LRRC1: variants seen among roughly 807,000 people sequenced by gnomAD.
LRRC1 encodes leucine rich repeat containing 1.
LRRC1 carries 28 observed loss-of-function variants against 69.9 expected under a neutral mutation model. The observed-to-expected ratio is 0.40, with a 90% confidence interval of 0.30 to 0.55. The LOEUF (loss-of-function observed/expected upper bound fraction) is 0.55, where lower values mean the gene tolerates loss of function less well. LRRC1 is among the 20% of genes least tolerant of loss of function. The probability of loss-of-function intolerance (pLI) is 0.47; values close to 1 mark genes in which losing one functional copy is unlikely to be tolerated. For missense variants in LRRC1, 498 were observed against 609.0 expected (o/e 0.82, Z 1.92); for synonymous variants, 236 against 240.2 (o/e 0.98, Z 0.16).
chr6:53,874,906 T>C (rs1012485581), intron 2 of LRRC1, among the ~76,000 whole-genome samples: 2 of 152,162 alleles, frequency 1.3e-5, no homozygotes, highest in Admixed American at 1.3e-4. Flanking sequence ...CTTTTAAAAA[T>C]CACAGTATTT....
chr6:53,887,339 T>C (rs1039220814), intron 4 of LRRC1, among the ~76,000 whole-genome samples: 1 of 152,228 alleles, frequency 6.6e-6, no homozygotes, highest in Non-Finnish European at 1.5e-5. Context: ...CTGGTAAGCT[T>C]CTTCCTTTTT....
chr6:53,879,638 CAAAA>C (rs1767205706), intron 3 of LRRC1, among the ~76,000 whole-genome samples: 1 of 151,668 alleles, frequency 6.6e-6, no homozygotes, highest in Admixed American at 6.6e-5. Context: ...AACAAACAAA[CAAAA>C]AAACCCAAAA....
chr6:53,900,273 G>A lies in LRRC1; in HGVS notation c.787+382G>A, dbSNP rs928294155. Among the ~76,000 whole-genome samples, 12 of 152,072 alleles carry A rather than the reference G, an allele frequency of 7.9e-5. No homozygotes were observed. The East Asian group carries it at 1.9e-3, about 25-fold the overall frequency. On this transcript the variant is annotated intron_variant, in intron 8 of 13. Transcript: ENST00000370888. ...AGGATGGTCTCGTTCTCCTGACCTC[G>A]TGATCCGCCCGCCTCCGCCTCCCAA...
At chr6:53,817,601 C>A (rs1030968670) in intron 1 of LRRC1, among the ~76,000 whole-genome samples, 1 of 152,104 alleles carries the variant, frequency 6.6e-6, no homozygotes, top group African/African-American at 2.4e-5. Flanking sequence ...CTTTGTACCC[C>A]CTTAAGAATG....
intron 1 of LRRC1, among the ~76,000 whole-genome samples, chr6:53,828,644 C>A (rs1358311817): frequency 1.3e-5 from 2 of 152,194 alleles, no homozygotes; most frequent in African/African-American, 4.8e-5. Flanking sequence ...AAAAACATTT[C>A]TTTAAATTTA....
At chr6:53,899,179 C>G (rs1767966416) in intron 7 of LRRC1, among the ~76,000 whole-genome samples, 1 of 152,160 alleles carries the variant, frequency 6.6e-6, no homozygotes, top group Non-Finnish European at 1.5e-5. Flanking sequence ...GGTACTTTAC[C>G]TTATCCTGGT....
chr6:53,921,629 G>C (rs1015306751), intron 13 of LRRC1, among the ~76,000 whole-genome samples: 4 of 152,130 alleles, frequency 2.6e-5, no homozygotes, highest in Admixed American at 2.6e-4. Context: ...TGGTGACAAG[G>C]CTTGACATCT....
At chr6:53,876,563 C>G (rs1767076268) in intron 2 of LRRC1, among the ~76,000 whole-genome samples, 1 of 152,176 alleles carries the variant, frequency 6.6e-6, no homozygotes, top group African/African-American at 2.4e-5. Flanking sequence ...TTAGTTACTT[C>G]CTAGATACAA....
At chr6:53,815,648 G>A (rs1282183299) in intron 1 of LRRC1, among the ~76,000 whole-genome samples, 2 of 152,100 alleles carry the variant, frequency 1.3e-5, no homozygotes, top group Non-Finnish European at 2.9e-5. Flanking sequence ...TGTAAGATTT[G>A]GTCTGTTCAT....
chr6:53,857,181 C>T (rs1581878258), intron 2 of LRRC1, among the ~76,000 whole-genome samples: 1 of 152,076 alleles, frequency 6.6e-6, no homozygotes, highest in South Asian at 2.1e-4. Flanking sequence ...GGTGATGGTT[C>T]AAGCCACAGG....
intron 1 of LRRC1, among the ~76,000 whole-genome samples, chr6:53,823,070 C>T (rs997545670): frequency 2.6e-5 from 4 of 152,146 alleles, no homozygotes; most frequent in African/African-American, 9.7e-5. Flanking sequence ...TCTCCAGGTC[C>T]CTTGATCCTC....
chr6:53,902,836 T>G lies in LRRC1; in HGVS notation c.906+89T>G, dbSNP rs576516514. The G allele has an allele frequency of 8.8e-6, 7 of 793,168 alleles. No individual in the cohort carries two copies. In the Admixed American group the frequency reaches 9.6e-5, roughly 11 times the overall value. The allele number at this position is 793,168 out of a possible 1,614,324, so 49.1% of individuals were successfully genotyped here. A position where few individuals can be genotyped will look rare whatever the true frequency, so the allele number is the denominator to read the frequency against. On this transcript the variant is annotated intron_variant, in intron 9 of 13. Coordinates refer to ENST00000370888, the MANE Select transcript of LRRC1 (RefSeq NM_018214.5). ...TTGAGTGGACTAAATGGAAATTTCT[T>G]CATATTACATCCCAAAACGGTCTTA... is the stretch of plus-strand genomic sequence containing the variant.
chr6:53,831,822 T>G (rs963232285), intron 1 of LRRC1, among the ~76,000 whole-genome samples: 9 of 152,148 alleles, frequency 5.9e-5, no homozygotes, highest in Admixed American at 2.6e-4. Context: ...TCCAGAAACA[T>G]CAAACCTTGG....
At chr6:53,920,990 C>T (rs1439478365) in intron 13 of LRRC1, among the ~76,000 whole-genome samples, 1 of 151,100 alleles carries the variant, frequency 6.6e-6, no homozygotes, top group Non-Finnish European at 1.5e-5. Context: ...TTTTTTGAGA[C>T]AGAGTCTCCC....
At chr6:53,861,039 G>T (rs1344934896) in intron 2 of LRRC1, among the ~76,000 whole-genome samples, 2 of 152,070 alleles carry the variant, frequency 1.3e-5, no homozygotes, top group Non-Finnish European at 2.9e-5. Context: ...TAGGGTGACG[G>T]GTGAGAGAAG....
intron 4 of LRRC1, among the ~76,000 whole-genome samples, chr6:53,883,453 T>C (rs981274273): frequency 1.3e-5 from 2 of 152,120 alleles, no homozygotes; most frequent in Non-Finnish European, 2.9e-5. Flanking sequence ...ATGGTGTATT[T>C]GGAGAGTGGG....
chr6:53,840,893 T>C (rs1765762407), intron 1 of LRRC1, among the ~76,000 whole-genome samples: 2 of 119,826 alleles, frequency 1.7e-5, no homozygotes, highest in African/African-American at 2.9e-5. Flanking sequence ...TTTGTGTGTG[T>C]GTGTGTGTGT....
chr6:53,900,289 C>T lies in LRRC1; in HGVS notation c.787+398C>T, dbSNP rs376940378. On this transcript the variant is annotated intron_variant, in intron 8 of 13. Coordinates refer to ENST00000370888, the MANE Select transcript of LRRC1 (RefSeq NM_018214.5). ...CCTGACCTCGTGATCCGCCCGCCTCCGCCTCCCAAAGTGCTGGGATTACAG... is the reference window on the plus strand; with the variant it reads ...CCTGACCTCGTGATCCGCCCGCCTCTGCCTCCCAAAGTGCTGGGATTACAG... Among the ~76,000 whole-genome samples the T allele has an allele frequency of 3.3e-5, 5 of 152,130 alleles. No individual in the cohort carries two copies. In the East Asian group the frequency reaches 5.8e-4, roughly 18 times the overall value.
Position 53,840,923 on chromosome 6 carries a change from TGTGTGC to T in LRRC1, c.160-1183_160-1178del, listed in dbSNP as rs1292931084. 7.3e-3 allele frequency among the ~76,000 whole-genome samples: 1,022 copies of T among 140,018 alleles called. 5 individuals are homozygous for T. The highest frequency in any genetic ancestry group is 0.022 in the Middle Eastern group (6 of 272). 91.9% of individuals were successfully genotyped at this position (140,018 alleles called of 152,430 possible). A position where few individuals can be genotyped will look rare whatever the true frequency, so the allele number is the denominator to read the frequency against. On this transcript the variant is annotated intron_variant, in intron 1 of 13. Coordinates refer to ENST00000370888, the MANE Select transcript of LRRC1 (RefSeq NM_018214.5). ...GTGTGTGTGTGTGTGTGTGTGTGTG[TGTGTGC>T]GTGCGCGCACATTCTCTTTCTTGCA...
Sources: gnomAD v4.1 joint callset for allele counts (sites outside exome capture counted in the v4.1 genomes callset) on GRCh38, gnomAD v4.1.1 for gene constraint, MANE v1.5 for transcripts, NCBI Gene and HGNC (gene_info 2026-07-23, HGNC 2026-07-21) for gene names.